Variants in HDGFL3 observed in about 807,000 individuals in gnomAD.
The protein encoded by HDGFL3 is hepatoma-derived growth factor-related protein 3.
A neutral mutation model predicts 27.6 loss-of-function variants in HDGFL3; 6 were observed. The observed-to-expected ratio is 0.22, with a 90% confidence interval of 0.12 to 0.43. The LOEUF (loss-of-function observed/expected upper bound fraction) is 0.43. HDGFL3 is among the 20% of genes least tolerant of loss of function. HDGFL3 has a pLI of 1.00. For synonymous variants in HDGFL3, 88 were observed against 88.9 expected (o/e 0.99, Z 0.05); for missense variants, 207 against 250.1 (o/e 0.83, Z 1.16).
intron 3 of HDGFL3, among the ~76,000 whole-genome samples, chr15:83,118,230 TACACACAC>T (rs72160704): frequency 1.4e-5 from 2 of 146,234 alleles, no homozygotes; most frequent in Admixed American, 6.9e-5. Context: ...TCTCTGTACG[TACACACAC>T]ACACACACAC....
chr15:83,115,033 G>T (rs529952611), exon 4 of HDGFL3: 1 of 152,318 alleles, frequency 6.6e-6, no homozygotes, highest in Non-Finnish European at 1.5e-5. Flanking sequence ...TCTAGGATAC[G>T]CCATGTGGAA....
At chr15:83,201,185 G>GT (rs59994589) in intron 1 of HDGFL3, among the ~76,000 whole-genome samples, 37,714 of 147,496 alleles carry the variant, frequency 0.26, 5,027 homozygotes, top group African/African-American at 0.35. Context: ...TGAATGACTA[G>GT]TTTTTTTTTT....
chr15:83,207,521 G>A lies in HDGFL3; in HGVS notation c.-107C>T, dbSNP rs1338305902. 3 of 892,300 alleles carry A rather than the reference G, an allele frequency of 3.4e-6. No individual in the cohort carries two copies. The East Asian group carries it at 1.0e-4, about 31-fold the overall frequency. The allele number at this position is 892,300 out of a possible 1,614,324, so 55.3% of individuals were successfully genotyped here. On this transcript the variant is annotated 5_prime_UTR_variant, in exon 1 of 6. Transcript: ENST00000299633. This position sits in a 1 kb window ranked among gnomAD's most constrained non-coding sequence, Gnocchi z 4.8. ...CCGCGCTCCCCGCGGGCCTCAAGCC[G>A]GGCGGACGAGCGGCCGCTCCGACGA...
intron 2 of HDGFL3, among the ~76,000 whole-genome samples, chr15:83,161,857 A>G (rs1015853198): frequency 3.3e-5 from 5 of 152,184 alleles, no homozygotes; most frequent in African/African-American, 1.2e-4. Context: ...ACATTTTTTC[A>G]AAGCTAAATG....
chr15:83,201,963 T>C (rs780348474), intron 1 of HDGFL3, among the ~76,000 whole-genome samples: 1 of 152,138 alleles, frequency 6.6e-6, no homozygotes, highest in Non-Finnish European at 1.5e-5. Context: ...GTAATGAAGA[T>C]TATAAACACC....
chr15:83,203,821 A>G (rs1333748243), intron 1 of HDGFL3, among the ~76,000 whole-genome samples: 1 of 151,506 alleles, frequency 6.6e-6, no homozygotes, highest in Non-Finnish European at 1.5e-5. Context: ...TGCTGTATAT[A>G]GTAGTAACAG....
chr15:83,152,338 CTAAG>C (rs2036974144), intron 4 of HDGFL3, among the ~76,000 whole-genome samples: 1 of 151,372 alleles, frequency 6.6e-6, no homozygotes, highest in Non-Finnish European at 1.5e-5. Flanking sequence ...GGTGGATCAC[CTAAG>C]TAAGGTCAGG....
Position 83,138,285 on chromosome 15 carries a change from G to A in HDGFL3, c.*985C>T, listed in dbSNP as rs1228736488. On this transcript the variant is annotated 3_prime_UTR_variant, in exon 6 of 6. Transcript: ENST00000299633. ...CGTGAATACGCGAAAGATGTTCCAAGGACAAGCATTAACAGGATTGATAAA... is the reference window on the plus strand; with the variant it reads ...CGTGAATACGCGAAAGATGTTCCAAAGACAAGCATTAACAGGATTGATAAA... 1 of 152,434 alleles carries A rather than the reference G, an allele frequency of 6.6e-6. No individual in the cohort carries two copies. The highest frequency in any genetic ancestry group is 2.4e-5 in the African/African-American group (1 of 41,406). The allele number at this position is 152,434 out of a possible 1,614,324, so 9.4% of individuals were successfully genotyped here. A position where few individuals can be genotyped will look rare whatever the true frequency, so the allele number is the denominator to read the frequency against.
At chr15:83,125,014 G>A (rs2035604667), downstream of HDGFL3, among the ~76,000 whole-genome samples, 2 of 151,914 alleles carry the variant, frequency 1.3e-5, no homozygotes, top group South Asian at 2.1e-4. Flanking sequence ...CTTCCTCCCC[G>A]TTTTAGGGCA....
At chr15:83,145,897 C>CTTTTTTTT (rs3082058) in intron 5 of HDGFL3, among the ~76,000 whole-genome samples, 8 of 49,474 alleles carry the variant, frequency 1.6e-4, no homozygotes, top group Non-Finnish European at 2.4e-4. Flanking sequence ...TTTCTTCTTC[C>CTTTTTTTT]TTTTTTTTTT....
intron 1 of HDGFL3, among the ~76,000 whole-genome samples, chr15:83,193,917 C>T (rs58292616): frequency 0.046 from 6,989 of 152,280 alleles, 441 homozygotes; most frequent in African/African-American, 0.14. Context: ...CTGCTATACG[C>T]TGCCACGTTA....
chr15:83,171,981 A>G (rs1196047966), intron 1 of HDGFL3, among the ~76,000 whole-genome samples: 6 of 152,208 alleles, frequency 3.9e-5, no homozygotes, highest in Admixed American at 6.5e-5. Flanking sequence ...ATTTAAATTT[A>G]TCAACAAAAT....
At chr15:83,155,180 G>T (rs1381818640) in intron 4 of HDGFL3, among the ~76,000 whole-genome samples, 2 of 152,240 alleles carry the variant, frequency 1.3e-5, no homozygotes, top group African/African-American at 2.4e-5. Context: ...GCTATTAAAT[G>T]ATCATGAAGT....
At chr15:83,153,965 G>C (rs1490647629) in intron 4 of HDGFL3, among the ~76,000 whole-genome samples, 1 of 151,816 alleles carries the variant, frequency 6.6e-6, no homozygotes, top group African/African-American at 2.4e-5. Context: ...GTAAAAAAAA[G>C]TTTGTGAGCC....
At chr15:83,115,967 A>G (rs1451450441) in intron 3 of HDGFL3, 1 of 1,573,452 alleles carries the variant, frequency 6.4e-7, no homozygotes, top group Non-Finnish European at 8.7e-7. Flanking sequence ...AGTGATTATG[A>G]GGTTTCAACC....
In HDGFL3 at chr15:83,137,857, G is replaced by A. The variant is rs2036683627; in HGVS notation, c.*1413C>T. ...CATCAAGAAAACCAAAAGAAAATGG[G>A]ATACAAATCAATGCATGGATAATAT... On this transcript the variant is annotated 3_prime_UTR_variant, in exon 6 of 6. Transcript: ENST00000299633. The A allele has an allele frequency of 6.6e-6, 1 of 152,008 alleles. No individual in the cohort carries two copies. Among genetic ancestry groups the A allele is most frequent in the Non-Finnish European group, 1.5e-5 (1 of 67,972 alleles). The allele number at this position is 152,008 out of a possible 1,614,324, so 9.4% of individuals were successfully genotyped here.
intron 1 of HDGFL3, among the ~76,000 whole-genome samples, chr15:83,181,578 TG>T (rs1261597486): frequency 1.3e-5 from 2 of 152,110 alleles, no homozygotes; most frequent in Non-Finnish European, 2.9e-5. Flanking sequence ...TGGGTTCAAG[TG>T]GTTCTCCTGC....
chr15:83,157,818 T>A, intron 3 of HDGFL3, 85 bp downstream of exon 3: 1 of 1,267,130 alleles, frequency 7.9e-7, no homozygotes, highest in Non-Finnish European at 1.1e-6. Flanking sequence ...TAACTATTAG[T>A]AGAAAGGACA....
chr15:83,183,362 C>T (rs2037402483), intron 1 of HDGFL3, among the ~76,000 whole-genome samples: 1 of 151,802 alleles, frequency 6.6e-6, no homozygotes, highest in African/African-American at 2.4e-5. Context: ...GAAATTATTG[C>T]TAAATAATTG....
Sources: gnomAD v4.1 joint callset for allele counts (sites outside exome capture counted in the v4.1 genomes callset) on GRCh38, gnomAD v4.1.1 for gene constraint, Gnocchi (gnomAD v3.1) non-coding constraint, MANE v1.5 for transcripts, NCBI Gene and HGNC (gene_info 2026-07-23, HGNC 2026-07-21) for gene names.